The following ZNF280D variants were observed in gnomAD, a reference collection of about 807,000 sequenced individuals.
The protein encoded by ZNF280D is suppressor of hairy wing homolog 4.
A neutral mutation model predicts 94.7 loss-of-function variants in ZNF280D; 39 were observed. The ratio of observed to expected loss-of-function variants is 0.41; its 90% CI spans 0.32 to 0.54. The LOEUF is 0.54. Among genes scored for constraint, ZNF280D ranks in the 20% least tolerant of loss-of-function variants. ZNF280D has a pLI of 0.22. For missense variants in ZNF280D, 1,090 were observed against 1,149.3 expected, an observed-to-expected ratio of 0.95 and a Z score of 0.75; for synonymous variants, 398 against 377.6, an observed-to-expected ratio of 1.05 and a Z score of -0.63.
At chr15:56,676,888 T>C (rs1231791279) in intron 12 of ZNF280D, 72 bp from the exon 13 acceptor site, 4 of 1,184,650 alleles carry the variant, frequency 3.4e-6, no homozygotes, top group Non-Finnish European at 3.6e-6. Context: ...GGAACAATGA[T>C]GGATAATTTG....
intron 17 of ZNF280D, 40 bp downstream of exon 17, chr15:56,658,384 A>G (rs2053685114): frequency 6.6e-7 from 1 of 1,505,928 alleles, no homozygotes; most frequent in African/African-American, 1.4e-5. Context: ...AGTCATTACA[A>G]TTTTTCAATA....
intron 16 of ZNF280D, 23 bp from the exon 17 acceptor site, chr15:56,658,509 A>G: frequency 6.6e-7 from 1 of 1,518,434 alleles, no homozygotes; most frequent in Middle Eastern, 1.8e-4. Flanking sequence ...AAGAGATAGT[A>G]AAAATTTTAT....
chr15:56,702,744 T>C (rs2057157034), intron 4 of ZNF280D, among the ~76,000 whole-genome samples: 1 of 152,264 alleles, frequency 6.6e-6, no homozygotes, highest in East Asian at 1.9e-4. Flanking sequence ...AGATGACCAA[T>C]GTGCCCCAGG....
At position 56,658,490 on chromosome 15, in the gene ZNF280D, G is replaced by C; in HGVS notation, c.1995-4C>G. 3 of 1,554,716 alleles carry C rather than the reference G, an allele frequency of 1.9e-6. No individual in the cohort carries two copies. Among genetic ancestry groups the C allele is most frequent in the Non-Finnish European group, 2.6e-6 (3 of 1,157,080 alleles). On this transcript the variant is annotated splice_polypyrimidine_tract_variant and splice_region_variant and intron_variant, in intron 16 of 21. Transcript: ENST00000267807. ...GCTTGGACGGTTACTATGAAAGCTG[G>C]AGAAACAAAAGAGATAGTAAAAATT...
At chr15:56,715,228 G>A (rs989841332) in intron 1 of ZNF280D, among the ~76,000 whole-genome samples, 19 of 152,054 alleles carry the variant, frequency 1.2e-4, no homozygotes, top group African/African-American at 4.6e-4. Context: ...ACCCTATCAT[G>A]GAAGAAACAT....
chr15:56,654,281 T>C (rs1189455178), intron 18 of ZNF280D, 47 bp from the exon 19 acceptor site: 5 of 1,601,082 alleles, frequency 3.1e-6, no homozygotes, highest in South Asian at 1.1e-5. Context: ...ATATGAAATA[T>C]GATGAGTGAG....
chr15:56,653,675 C>A, intron 19 of ZNF280D: 2 of 1,334,924 alleles, frequency 1.5e-6, no homozygotes, highest in Non-Finnish European at 1.9e-6. Context: ...AAACTTAAGA[C>A]GTATAAGAAA....
intron 16 of ZNF280D, among the ~76,000 whole-genome samples, chr15:56,660,996 G>A (rs2053906376): frequency 1.3e-5 from 2 of 151,836 alleles, no homozygotes; most frequent in Admixed American, 6.6e-5. Flanking sequence ...GGGGAGAAAG[G>A]GGATGGCACA....
At chr15:56,634,736 G>C (rs1482328391) in intron 21 of ZNF280D, among the ~76,000 whole-genome samples, 2 of 152,066 alleles carry the variant, frequency 1.3e-5, no homozygotes, top group African/African-American at 4.8e-5. Context: ...TTCTACCAAA[G>C]TATGAAAATT....
At chr15:56,658,195 G>A (rs1247404919) in intron 17 of ZNF280D, among the ~76,000 whole-genome samples, 2 of 152,148 alleles carry the variant, frequency 1.3e-5, no homozygotes, top group Admixed American at 1.3e-4. Context: ...GGGAAGAGCT[G>A]GAGAGAAATG....
At chr15:56,688,157 C>A (rs1326157783) in intron 9 of ZNF280D, among the ~76,000 whole-genome samples, 1 of 152,040 alleles carries the variant, frequency 6.6e-6, no homozygotes, top group African/African-American at 2.4e-5. Flanking sequence ...ACCTAAATCT[C>A]ATACTTCACT....
Position 56,635,188 on chromosome 15 carries a change from T to A in ZNF280D, c.2315+7A>T. ...TTTTATGAAATTCAGTTTTTCCTTA[T>A]ATTTACCTTTCAGAATTTGATGTTT... On this transcript the variant is annotated splice_region_variant and intron_variant, in intron 21 of 21. Coordinates refer to ENST00000267807, the MANE Select transcript of ZNF280D (RefSeq NM_017661.4). 6.5e-7 allele frequency: 1 copy of A among 1,532,136 alleles called. No homozygotes were observed. The highest frequency in any genetic ancestry group is 1.2e-5 in the South Asian group (1 of 80,042). The allele number at this position is 1,532,136 out of a possible 1,614,324, so 94.9% of individuals were successfully genotyped here.
chr15:56,636,659 T>C (rs1432814798), intron 20 of ZNF280D, among the ~76,000 whole-genome samples: 2 of 152,040 alleles, frequency 1.3e-5, no homozygotes, highest in African/African-American at 4.8e-5. Context: ...AATTTTTGTA[T>C]TTTTAGTACA....
intron 1 of ZNF280D, among the ~76,000 whole-genome samples, chr15:56,720,839 A>G (rs1344625948): frequency 1.3e-5 from 2 of 152,096 alleles, no homozygotes; most frequent in Non-Finnish European, 2.9e-5. Flanking sequence ...GGTTTCAATA[A>G]CAGGCTTAAA....
intron 19 of ZNF280D, among the ~76,000 whole-genome samples, chr15:56,649,247 AG>A (rs576246373): frequency 8.5e-5 from 13 of 152,240 alleles, no homozygotes; most frequent in African/African-American, 3.1e-4. Flanking sequence ...CTCAGGAACC[AG>A]AGACTGAAAA....
At chr15:56,661,409 G>GA (rs2053936006) in intron 16 of ZNF280D, among the ~76,000 whole-genome samples, 1 of 152,004 alleles carries the variant, frequency 6.6e-6, no homozygotes. Context: ...GGATGAACTG[G>GA]AAAAAAGGGG....
In ZNF280D at chr15:56,701,575, AAAACATATTTATATATAACCTATAAT is replaced by A. The variant is rs2057073219; in HGVS notation, c.176-363_176-338del. Among the ~76,000 whole-genome samples the A allele has an allele frequency of 2.0e-5, 3 of 152,226 alleles. No homozygotes were observed. The South Asian group carries it at 6.2e-4, about 32-fold the overall frequency. ...TCACATACTTGATAAAAATTTTCCA[AAAACATATTTATATATAACCTATAAT>A]TTAAATGTATATCTTTCTTTGCATG... is the stretch of plus-strand genomic sequence containing the variant. On this transcript the variant is annotated intron_variant, in intron 4 of 21. Transcript: ENST00000267807.
rs148788260 is a variant in ZNF280D, at chr15:56,653,180, C to T, written c.2213+1018G>A. The T allele has an allele frequency of 5.8e-6, 6 of 1,037,332 alleles. No homozygotes were observed. In the East Asian group the frequency reaches 4.6e-4, roughly 80 times the overall value. 64.3% of individuals were successfully genotyped at this position (1,037,332 alleles called of 1,614,324 possible). On this transcript the variant is annotated intron_variant, in intron 19 of 21. Transcript: ENST00000267807. The stretch of plus-strand genomic sequence containing the variant: ...GAAAGTAGCCATGGTTTCCTAACAA[C>T]TAGAGTTTTTATATTCCTTGGACTG...
intron 6 of ZNF280D, chr15:56,700,422 A>G (rs2056992708): frequency 2.8e-6 from 2 of 724,098 alleles, no homozygotes; most frequent in Non-Finnish European, 3.4e-6. Flanking sequence ...ACACTTATAC[A>G]TATTAACAGC....
Sources: allele counts gnomAD v4.1 joint callset (sites outside exome capture counted in the v4.1 genomes callset), GRCh38; gene constraint gnomAD v4.1.1; transcripts MANE v1.5; gene names NCBI Gene and HGNC (gene_info 2026-07-23, HGNC 2026-07-21).